WDR86: variants seen among roughly 807,000 people sequenced by gnomAD.
WDR86 encodes WD repeat-containing protein 86.
WDR86 carries 30 observed loss-of-function variants against 36.5 expected under a neutral mutation model. The ratio of observed to expected loss-of-function variants is 0.82; its 90% CI spans 0.61 to 1.11. WDR86 has a LOEUF of 1.11. Among genes scored for constraint, WDR86 ranks in the 50% most tolerant of loss-of-function variants. The probability of loss-of-function intolerance (pLI) is 0.00; values close to 1 mark genes in which losing one functional copy is unlikely to be tolerated. For synonymous variants in WDR86, 255 were observed against 252.9 expected (o/e 1.01, Z -0.08); for missense variants, 545 against 561.2 (o/e 0.97, Z 0.29).
At chr7:151,370,955 G>GC (rs1797931631), downstream of WDR86, among the ~76,000 whole-genome samples, 1 of 152,106 alleles carries the variant, frequency 6.6e-6, no homozygotes, top group Non-Finnish European at 1.5e-5. Flanking sequence ...ATTCACTTCT[G>GC]CCTGTGACCA....
intron 3 of WDR86, among the ~76,000 whole-genome samples, chr7:151,389,236 G>A (rs9632640): frequency 1.1e-3 from 164 of 151,470 alleles, no homozygotes; most frequent in African/African-American, 3.9e-3. Context: ...GATAACAGGC[G>A]TGAGCCACCG....
At chr7:151,395,041 G>T (rs1428984433) in intron 3 of WDR86, among the ~76,000 whole-genome samples, 1 of 152,230 alleles carries the variant, frequency 6.6e-6, no homozygotes, top group Non-Finnish European at 1.5e-5. Flanking sequence ...AGGCTGGGTG[G>T]CTTGTCCAGG....
chr7:151,379,708 G>A (rs565380225), downstream of WDR86, among the ~76,000 whole-genome samples: 6 of 152,334 alleles, frequency 3.9e-5, no homozygotes, highest in East Asian at 1.2e-3. Flanking sequence ...TGCAGCGCCC[G>A]TGTTTTGGGT....
intron 3 of WDR86, among the ~76,000 whole-genome samples, chr7:151,392,931 C>T (rs939479407): frequency 6.6e-6 from 1 of 152,152 alleles, no homozygotes; most frequent in East Asian, 1.9e-4. Flanking sequence ...GCTCCCTGCA[C>T]CCCACCCCCC....
Position 151,400,193 on chromosome 7 carries a change from A to C in WDR86, c.212T>G (p.Phe71Cys). Residue 71 changes from phenylalanine (F) to cysteine (C), a missense_variant, in exon 2 of 6, where the codon TTC (phenylalanine) becomes TGC (cysteine). Coordinates refer to ENST00000334493, the MANE Select transcript of WDR86 (RefSeq NM_198285.3). The stretch of plus-strand genomic sequence containing the variant: ...GATGGTGCAGTCGGCGCTGCATGTG[A>C]AGGCAGCCTCATCCTCCAGCTGGCA... ...TFCQLEDEAAFTCSADCTIRR... is the reference protein window; with the variant it reads ...TFCQLEDEAACTCSADCTIRR... The C allele has an allele frequency of 6.2e-7, 1 of 1,611,718 alleles. No homozygotes were observed. The highest frequency in any genetic ancestry group is 8.5e-7 in the Non-Finnish European group (1 of 1,178,970).
chr7:151,375,525 G>A (rs1002299181), downstream of WDR86, among the ~76,000 whole-genome samples: 1 of 152,208 alleles, frequency 6.6e-6, no homozygotes, highest in Non-Finnish European at 1.5e-5. Flanking sequence ...CAATCAGGCA[G>A]CCCTGAGCTG....
downstream of WDR86, chr7:151,377,327 T>C: frequency 7.4e-6 from 5 of 671,372 alleles, no homozygotes; most frequent in East Asian, 3.9e-5. Context: ...GAATTACAAG[T>C]CCTCTTTGGG....
At chr7:151,384,942 G>A in intron 4 of WDR86, 146 bp downstream of exon 4, 1 of 893,150 alleles carries the variant, frequency 1.1e-6, no homozygotes, top group Non-Finnish European at 1.7e-6. Flanking sequence ...GGAAGCACGG[G>A]TGTGTGGAGA....
chr7:151,384,413 T>G (rs1364932071), intron 4 of WDR86, among the ~76,000 whole-genome samples: 1 of 152,210 alleles, frequency 6.6e-6, no homozygotes, highest in Non-Finnish European at 1.5e-5. Context: ...GGAAAGATCT[T>G]AAAGGACCAA....
Position 151,409,879 on chromosome 7 carries a change from C to T in WDR86, c.-290G>A, listed in dbSNP as rs1474636128. On this transcript the variant is annotated 5_prime_UTR_variant, in exon 1 of 6. Transcript: ENST00000334493. The surrounding 1 kb of genome is among the most constrained non-coding windows in gnomAD (Gnocchi z 5.2). Reference sequence around the variant, plus strand: ...AGAGAGAACCCCCTTCCCAGCACCGCTCGGAGGATCCACACCCCACCGGGC... The same window carrying T: ...AGAGAGAACCCCCTTCCCAGCACCGTTCGGAGGATCCACACCCCACCGGGC... 2 of 1,164,608 alleles carry T rather than the reference C, an allele frequency of 1.7e-6. No homozygotes were observed. Among genetic ancestry groups the T allele is most frequent in the Non-Finnish European group, 2.1e-6 (2 of 945,246 alleles). The allele number at this position is 1,164,608 out of a possible 1,614,324, so 72.1% of individuals were successfully genotyped here.
intron 1 of WDR86, among the ~76,000 whole-genome samples, chr7:151,403,186 A>AT (rs11417839): frequency 0.34 from 51,931 of 151,802 alleles, 10,314 homozygotes; most frequent in African/African-American, 0.55. Context: ...GCCTTGTGGA[A>AT]TTTTTTTTCC....
intron 2 of WDR86, among the ~76,000 whole-genome samples, chr7:151,399,260 G>A (rs142576256): frequency 2.6e-5 from 4 of 152,346 alleles, no homozygotes; most frequent in Non-Finnish European, 5.9e-5. Flanking sequence ...GGGCTGATGG[G>A]TCTCACTGCC....
chr7:151,385,055 G>T (rs1312985673), intron 4 of WDR86, 33 bp downstream of exon 4: 1 of 1,556,810 alleles, frequency 6.4e-7, no homozygotes. Flanking sequence ...CCAGGCTGGG[G>T]TGGCACAGGT....
At chr7:151,384,259 C>T (rs757640160) in intron 4 of WDR86, among the ~76,000 whole-genome samples, 3 of 152,192 alleles carry the variant, frequency 2.0e-5, no homozygotes, top group African/African-American at 4.8e-5. Flanking sequence ...GCCCAACAAG[C>T]GATTCTGCCC....
chr7:151,384,081 A>G (rs1563044448), intron 4 of WDR86, among the ~76,000 whole-genome samples: 1 of 152,164 alleles, frequency 6.6e-6, no homozygotes, highest in Non-Finnish European at 1.5e-5. Context: ...GTCAGGATCT[A>G]TTTTCAGATA....
rs1584784644 is a variant in WDR86, at chr7:151,401,572, G to A, written c.164-1331C>T. Among the ~76,000 whole-genome samples the A allele has an allele frequency of 3.9e-5, 6 of 152,310 alleles. No homozygotes were observed. Among genetic ancestry groups the A allele is most frequent in the Admixed American group, 3.3e-4 (5 of 15,298 alleles). On this transcript the variant is annotated intron_variant, in intron 1 of 5. Coordinates refer to ENST00000334493, the MANE Select transcript of WDR86 (RefSeq NM_198285.3). This position sits in a 1 kb window ranked among gnomAD's most constrained non-coding sequence, Gnocchi z 4.3. ...GGCAGCCGCAGAGGGAATGGCACAT[G>A]TTCGCTATTTTCCTTACACTGGGGA... is the stretch of plus-strand genomic sequence containing the variant.
At chr7:151,380,760 G>A (rs1798509156), downstream of WDR86, among the ~76,000 whole-genome samples, 1 of 152,056 alleles carries the variant, frequency 6.6e-6, no homozygotes, top group Middle Eastern at 3.4e-3. Flanking sequence ...CTGTGCACGA[G>A]CCCGGGGTGG....
chr7:151,370,692 C>A, the WDR86 span, among the ~76,000 whole-genome samples: 5 of 125,016 alleles, frequency 4.0e-5, no homozygotes, highest in Admixed American at 8.3e-5. Context: ...ATCCCTCCCC[C>A]CTCCCCCCAC....
chr7:151,381,047 C>T, downstream of WDR86: 1 of 908,298 alleles, frequency 1.1e-6, no homozygotes, highest in Non-Finnish European at 1.4e-6. The surrounding 1 kb of genome is among the most constrained non-coding windows in gnomAD (Gnocchi z 4.8). Flanking sequence ...GGCCCGCCGC[C>T]CTGGGTTCCT....
Sources: allele counts gnomAD v4.1 joint callset (sites outside exome capture counted in the v4.1 genomes callset), GRCh38; gene constraint gnomAD v4.1.1; non-coding constraint Gnocchi (gnomAD v3.1); transcripts MANE v1.5; gene names NCBI Gene and HGNC (gene_info 2026-07-23, HGNC 2026-07-21).